The following CDKAL1 variants were observed in gnomAD, a reference collection of about 807,000 sequenced individuals.
CDKAL1 encodes the protein threonylcarbamoyladenosine tRNA methylthiotransferase.
In CDKAL1, 32 loss-of-function variants were observed where a neutral mutation model predicts 68.2. The ratio of observed to expected loss-of-function variants is 0.47; its 90% CI spans 0.35 to 0.63. CDKAL1 has a LOEUF of 0.63. Ranked by LOEUF, CDKAL1 falls within the 30% of genes least tolerant of loss-of-function variation. The pLI is 0.00. For synonymous variants in CDKAL1, 234 were observed against 244.3 expected, an observed-to-expected ratio of 0.96 and a Z score of 0.39; for missense variants, 606 against 696.7, an observed-to-expected ratio of 0.87 and a Z score of 1.47.
chr6:20,716,130 C>T (rs73732747), intron 5 of CDKAL1, among the ~76,000 whole-genome samples: 2,858 of 152,194 alleles, frequency 0.019, 76 homozygotes, highest in African/African-American at 0.064. Context: ...TGGTTTGGTG[C>T]ACACTGTGAT....
Position 20,539,145 on chromosome 6 carries a change from G to T in CDKAL1, c.-6+3751G>T, listed in dbSNP as rs1763289586. On this transcript the variant is annotated intron_variant, in intron 2 of 15. Coordinates refer to ENST00000274695, the MANE Select transcript of CDKAL1 (RefSeq NM_017774.3). The surrounding 1 kb of genome is among the most constrained non-coding windows in gnomAD (Gnocchi z 4.3). ...GAGATGTTGTTTGAGTGAAGAAGTG[G>T]GTGGGAAGACATACTTATCTGGGGG... Among the ~76,000 whole-genome samples the T allele has an allele frequency of 6.6e-6, 1 of 152,156 alleles. No individual in the cohort carries two copies.
chr6:20,645,729 CAAATAAATAAAT>C (rs200494660), intron 4 of CDKAL1, among the ~76,000 whole-genome samples: 6 of 148,768 alleles, frequency 4.0e-5, no homozygotes, highest in Non-Finnish European at 7.4e-5. Context: ...GACTCTGTCT[CAAATAAATAAAT>C]AAATAAATAA....
At chr6:20,663,818 A>G (rs1022758073) in intron 5 of CDKAL1, among the ~76,000 whole-genome samples, 3 of 152,154 alleles carry the variant, frequency 2.0e-5, no homozygotes, top group African/African-American at 7.2e-5. Flanking sequence ...GGAGGGTCTT[A>G]ACCAATTGGA....
chr6:20,757,533 A>G (rs189814997), intron 6 of CDKAL1, among the ~76,000 whole-genome samples: 34 of 146,644 alleles, frequency 2.3e-4, no homozygotes, highest in African/African-American at 8.3e-4. Flanking sequence ...TATTTTGTAT[A>G]TCTTTTTTAT....
At chr6:20,866,907 C>T (rs1288181047) in intron 9 of CDKAL1, among the ~76,000 whole-genome samples, 1 of 152,178 alleles carries the variant, frequency 6.6e-6, no homozygotes, top group African/African-American at 2.4e-5. Context: ...TCTACAAACC[C>T]ATCCTTGTCT....
At chr6:21,023,353 G>A (rs1350566517) in intron 11 of CDKAL1, among the ~76,000 whole-genome samples, 1 of 152,134 alleles carries the variant, frequency 6.6e-6, no homozygotes, top group Non-Finnish European at 1.5e-5. Context: ...GTCTGAACTT[G>A]AGAAGGTGAT....
intron 4 of CDKAL1, among the ~76,000 whole-genome samples, chr6:20,581,006 T>C (rs981019654): frequency 8.5e-5 from 13 of 152,174 alleles, no homozygotes; most frequent in African/African-American, 3.1e-4. Flanking sequence ...TCAGGCTGGT[T>C]TCGAACTCCC....
chr6:21,049,457 G>A (rs929945470), intron 11 of CDKAL1, among the ~76,000 whole-genome samples: 9 of 152,012 alleles, frequency 5.9e-5, no homozygotes, highest in Non-Finnish European at 1.5e-5. Context: ...ACTTTAACCA[G>A]CAATATCATA....
rs999822438 is a variant in CDKAL1, at chr6:20,585,619, G to A, written c.286+36914G>A. Among the ~76,000 whole-genome samples, 3 of 152,040 alleles carry A rather than the reference G, an allele frequency of 2.0e-5. No homozygotes were observed. In the South Asian group the frequency reaches 6.2e-4, roughly 32 times the overall value. ...ATATAGTCTTTGTTTGTTAGCATTT[G>A]CCACAGCTTTTCACTCTTTCCTTCT... is the stretch of plus-strand genomic sequence containing the variant. On this transcript the variant is annotated intron_variant, in intron 4 of 15. Coordinates refer to ENST00000274695, the MANE Select transcript of CDKAL1 (RefSeq NM_017774.3).
intron 10 of CDKAL1, among the ~76,000 whole-genome samples, chr6:20,974,193 A>G (rs961911102): frequency 6.6e-6 from 1 of 152,186 alleles, no homozygotes; most frequent in African/African-American, 2.4e-5. Flanking sequence ...TCATGTTAGC[A>G]TCCCAGGCTG....
intron 5 of CDKAL1, among the ~76,000 whole-genome samples, chr6:20,650,171 A>G (rs990354586): frequency 4.6e-5 from 7 of 152,192 alleles, no homozygotes; most frequent in African/African-American, 1.7e-4. Context: ...ATTAATTTAC[A>G]TTCCCACCAA....
chr6:20,546,341 G>A lies in CDKAL1; in HGVS notation c.-5-5G>A. Reference sequence around the variant, plus strand: ...TTGATTTTATTTATAACTTTTATGTGGTAGAGAATATGCCTTCTGCATCCT... The same window carrying A: ...TTGATTTTATTTATAACTTTTATGTAGTAGAGAATATGCCTTCTGCATCCT... On this transcript the variant is annotated splice_region_variant and splice_polypyrimidine_tract_variant and intron_variant, in intron 2 of 15. Transcript: ENST00000274695. The A allele has an allele frequency of 6.3e-7, 1 of 1,587,192 alleles. No individual in the cohort carries two copies. The highest frequency in any genetic ancestry group is 8.6e-7 in the Non-Finnish European group (1 of 1,163,488).
At chr6:20,926,236 T>G (rs1460491073) in intron 9 of CDKAL1, among the ~76,000 whole-genome samples, 1 of 152,126 alleles carries the variant, frequency 6.6e-6, no homozygotes, top group East Asian at 1.9e-4. Context: ...GTTGTTTACA[T>G]AAAGAATTTG....
intron 13 of CDKAL1, among the ~76,000 whole-genome samples, chr6:21,161,940 C>T (rs1282152692): frequency 6.6e-6 from 1 of 152,176 alleles, no homozygotes; most frequent in East Asian, 1.9e-4. Flanking sequence ...ATTCAAAATG[C>T]CTTTTTCATT....
chr6:21,064,620 G>A (rs1034671417), intron 11 of CDKAL1, among the ~76,000 whole-genome samples: 1 of 152,156 alleles, frequency 6.6e-6, no homozygotes, highest in African/African-American at 2.4e-5. Flanking sequence ...TACAGTGAAA[G>A]TTATCTTTGC....
chr6:20,650,189 A>G (rs1330683880), intron 5 of CDKAL1, among the ~76,000 whole-genome samples: 2 of 152,146 alleles, frequency 1.3e-5, no homozygotes, highest in Non-Finnish European at 2.9e-5. Flanking sequence ...CAACAGTGTA[A>G]AAGTGTTCCT....
At chr6:20,858,442 A>G (rs143353605) in intron 9 of CDKAL1, among the ~76,000 whole-genome samples, 162 of 152,262 alleles carry the variant, frequency 1.1e-3, no homozygotes, top group African/African-American at 3.8e-3. Flanking sequence ...TTCCTTATCC[A>G]TGTCTTAATA....
At chr6:20,778,210 C>G (rs1433245064) in intron 7 of CDKAL1, among the ~76,000 whole-genome samples, 1 of 151,988 alleles carries the variant, frequency 6.6e-6, no homozygotes, top group Admixed American at 6.6e-5. Context: ...TCTCTGTGCC[C>G]TTAATATAGC....
chr6:20,584,905 C>A (rs1581766739), intron 4 of CDKAL1, among the ~76,000 whole-genome samples: 1 of 152,164 alleles, frequency 6.6e-6, no homozygotes, highest in Non-Finnish European at 1.5e-5. Flanking sequence ...CTGAGGCCAG[C>A]TCCGTTACTT....
Sources: gnomAD v4.1 joint callset for allele counts (sites outside exome capture counted in the v4.1 genomes callset) on GRCh38, gnomAD v4.1.1 for gene constraint, Gnocchi (gnomAD v3.1) non-coding constraint, MANE v1.5 for transcripts, NCBI Gene and HGNC (gene_info 2026-07-23, HGNC 2026-07-21) for gene names.